The following TRAPPC9 variants were observed in gnomAD, a reference collection of about 807,000 sequenced individuals.
TRAPPC9 encodes trafficking protein particle complex subunit 9, also known as IKK2 binding protein.
Under a neutral mutation model 124.0 loss-of-function variants are expected in TRAPPC9, and 83 were observed. The ratio of observed to expected loss-of-function variants is 0.67; its 90% CI spans 0.56 to 0.80. The LOEUF (loss-of-function observed/expected upper bound fraction) is 0.80, where lower values mean the gene tolerates loss of function less well. TRAPPC9 is among the 30% of genes least tolerant of loss of function. The pLI, the probability that TRAPPC9 is intolerant of heterozygous loss-of-function variation, is 0.00. For missense variants in TRAPPC9, 1,302 were observed against 1,508.3 expected (o/e 0.86, Z 2.27); for synonymous variants, 638 against 617.5 (o/e 1.03, Z -0.49).
At position 139,825,034 on chromosome 8, in the gene TRAPPC9, G is replaced by A. The variant is rs1004537027; in HGVS notation, c.3055+60845C>T. Among the ~76,000 whole-genome samples the A allele has an allele frequency of 6.6e-6, 1 of 152,164 alleles. No homozygotes were observed. Among genetic ancestry groups the A allele is most frequent in the Non-Finnish European group, 1.5e-5 (1 of 68,034 alleles). On this transcript the variant is annotated intron_variant, in intron 21 of 22. Coordinates refer to ENST00000438773, the MANE Select transcript of TRAPPC9 (RefSeq NM_001160372.4). This position sits in a 1 kb window ranked among gnomAD's most constrained non-coding sequence, Gnocchi z 4.6. ...AAGCCCTTCTTCCCCCTCACAGAGC[G>A]CCAAAAGGACCTCTCATTCCACAGA...
rs1835972493 is a variant in TRAPPC9, at chr8:139,970,196, G to A, written c.2810+18530C>T. ...GAAACAGGCGCCAGCGATGCCCAAA[G>A]AGAAGGAGCCGGGCATCAGGAGTCC... On this transcript the variant is annotated intron_variant, in intron 19 of 22. Transcript: ENST00000438773. Among the ~76,000 whole-genome samples, 3 of 152,222 alleles carry A rather than the reference G, an allele frequency of 2.0e-5. No homozygotes were observed. The South Asian group carries it at 6.2e-4, about 32-fold the overall frequency.
At chr8:140,389,556 G>A (rs765090726) in intron 7 of TRAPPC9, among the ~76,000 whole-genome samples, 77 of 152,146 alleles carry the variant, frequency 5.1e-4, no homozygotes, top group Non-Finnish European at 8.2e-4. Flanking sequence ...ATTAAAAAGT[G>A]CCTGGTCTAT....
At chr8:140,059,288 G>A (rs1405859389) in intron 17 of TRAPPC9, among the ~76,000 whole-genome samples, 1 of 152,216 alleles carries the variant, frequency 6.6e-6, no homozygotes, top group Non-Finnish European at 1.5e-5. Flanking sequence ...GTTCTTAAGT[G>A]GAGCAGCAGC....
In TRAPPC9 at chr8:140,275,609, A is replaced by G. The variant is rs992336675; in HGVS notation, c.2278+49T>C. On this transcript the variant is annotated intron_variant, in intron 15 of 22. Coordinates refer to ENST00000438773, the MANE Select transcript of TRAPPC9 (RefSeq NM_001160372.4). Reference sequence around the variant, plus strand: ...GAGAATTTAAAGTATCTCTTCTACAAGTAAACAATACAAACATTCCCAGGG... The same window carrying G: ...GAGAATTTAAAGTATCTCTTCTACAGGTAAACAATACAAACATTCCCAGGG... 9 of 1,580,276 alleles carry G rather than the reference A, an allele frequency of 5.7e-6. No individual in the cohort carries two copies. The African/African-American group carries it at 9.4e-5, about 17-fold the overall frequency.
intron 9 of TRAPPC9, among the ~76,000 whole-genome samples, chr8:140,359,148 G>A (rs1307398546): frequency 1.3e-5 from 2 of 152,212 alleles, no homozygotes; most frequent in South Asian, 2.1e-4. Flanking sequence ...GCTGAGGCCT[G>A]TGTCCATATA....
intron 20 of TRAPPC9, among the ~76,000 whole-genome samples, chr8:139,896,005 T>C (rs1257865159): frequency 2.0e-5 from 3 of 152,228 alleles, no homozygotes; most frequent in African/African-American, 7.2e-5. Flanking sequence ...AGTTGCCAAA[T>C]GGTGCTGGAG....
intron 17 of TRAPPC9, among the ~76,000 whole-genome samples, chr8:140,212,126 C>A (rs534854064): frequency 6.6e-6 from 1 of 152,218 alleles, no homozygotes; most frequent in Non-Finnish European, 1.5e-5. Flanking sequence ...ACCAGCAATG[C>A]AAGAAGACAC....
At chr8:139,954,838 C>A (rs1424120715) in intron 19 of TRAPPC9, among the ~76,000 whole-genome samples, 1 of 151,942 alleles carries the variant, frequency 6.6e-6, no homozygotes, top group Non-Finnish European at 1.5e-5. Context: ...AGATCCACTC[C>A]ATTGTATACA....
intron 21 of TRAPPC9, among the ~76,000 whole-genome samples, chr8:139,851,815 T>C (rs1827485328): frequency 1.3e-5 from 2 of 152,158 alleles, no homozygotes; most frequent in Non-Finnish European, 2.9e-5. Context: ...ATCTCCAAAG[T>C]CATTCAGTCA....
At chr8:140,426,858 A>C (rs1213534051) in intron 4 of TRAPPC9, among the ~76,000 whole-genome samples, 1 of 152,086 alleles carries the variant, frequency 6.6e-6, no homozygotes, top group Non-Finnish European at 1.5e-5. Flanking sequence ...CTCATACCCT[A>C]AACAAATTGT....
chr8:139,966,901 A>G (rs191472533), intron 19 of TRAPPC9, among the ~76,000 whole-genome samples: 269 of 152,368 alleles, frequency 1.8e-3, no homozygotes, highest in Admixed American at 3.7e-3. Context: ...TGGAATGAAA[A>G]TAGAAAAGAA....
rs561007236 is a variant in TRAPPC9, at chr8:139,886,943, T to C, written c.2965-974A>G. ...GTAGAATGGAGCAGAGGCTGAGCAT[T>C]GCGAGAGAGAGGGAGCAGGACGAAA... On this transcript the variant is annotated intron_variant, in intron 20 of 22. Coordinates refer to ENST00000438773, the MANE Select transcript of TRAPPC9 (RefSeq NM_001160372.4). Among the ~76,000 whole-genome samples the C allele has an allele frequency of 2.6e-5, 4 of 152,320 alleles. No individual in the cohort carries two copies. The South Asian group carries it at 6.2e-4, about 24-fold the overall frequency.
intron 21 of TRAPPC9, among the ~76,000 whole-genome samples, chr8:139,782,910 A>C (rs900543567): frequency 1.3e-5 from 2 of 152,228 alleles, no homozygotes; most frequent in Admixed American, 1.3e-4. Flanking sequence ...AAAATTCCCA[A>C]ATCTTTAGAA....
intron 21 of TRAPPC9, among the ~76,000 whole-genome samples, chr8:139,804,143 C>A (rs1430417127): frequency 7.7e-6 from 1 of 129,576 alleles, no homozygotes; most frequent in Non-Finnish European, 1.7e-5. Context: ...ACACCCACCA[C>A]CACCCACCAC....
chr8:140,089,658 T>A (rs1031119618), intron 17 of TRAPPC9, among the ~76,000 whole-genome samples: 1 of 152,168 alleles, frequency 6.6e-6, no homozygotes, highest in Admixed American at 6.5e-5. Flanking sequence ...CTGAGCTCCA[T>A]AAAGATGAGA....
intron 17 of TRAPPC9, among the ~76,000 whole-genome samples, chr8:140,130,420 T>A (rs1408364690): frequency 6.6e-6 from 1 of 152,158 alleles, no homozygotes; most frequent in African/African-American, 2.4e-5. Context: ...CATCATTCTG[T>A]AGTATTCCTG....
At chr8:140,337,032 G>T (rs868097762) in intron 9 of TRAPPC9, among the ~76,000 whole-genome samples, 6 of 152,170 alleles carry the variant, frequency 3.9e-5, no homozygotes, top group African/African-American at 1.4e-4. Flanking sequence ...CCCCTTGTCA[G>T]TGTCGGACAC....
intron 5 of TRAPPC9, among the ~76,000 whole-genome samples, chr8:140,415,624 T>C (rs1397704535): frequency 6.6e-6 from 1 of 151,748 alleles, no homozygotes; most frequent in Non-Finnish European, 1.5e-5. Flanking sequence ...AAAAATGATA[T>C]GCCACAAAAG....
chr8:140,118,949 C>T (rs2060937390), intron 17 of TRAPPC9, among the ~76,000 whole-genome samples: 1 of 152,224 alleles, frequency 6.6e-6, no homozygotes, highest in Non-Finnish European at 1.5e-5. Flanking sequence ...AGGACAGTCC[C>T]TCTTTGGCTT....
Sources: gnomAD v4.1 joint callset for allele counts (sites outside exome capture counted in the v4.1 genomes callset) on GRCh38, gnomAD v4.1.1 for gene constraint, Gnocchi (gnomAD v3.1) non-coding constraint, MANE v1.5 for transcripts, NCBI Gene and HGNC (gene_info 2026-07-23, HGNC 2026-07-21) for gene names.